Variants in DTWD2 observed in about 807,000 individuals in gnomAD.
The protein encoded by DTWD2 is DTW motif tRNA-uridine aminocarboxypropyltransferase 2.
DTWD2 carries 39 observed loss-of-function variants against 31.8 expected under a neutral mutation model. The ratio of observed to expected loss-of-function variants is 1.22; its 90% CI spans 0.95 to 1.60. The LOEUF is 1.60. Among genes scored for constraint, DTWD2 ranks in the 40% most tolerant of loss-of-function variants. The pLI is 0.00. For missense variants in DTWD2, 515 were observed against 381.5 expected (o/e 1.35, Z -2.92); for synonymous variants, 180 against 142.8 (o/e 1.26, Z -1.86).
intron 4 of DTWD2, among the ~76,000 whole-genome samples, chr5:118,905,889 A>G (rs1477476643): frequency 2.0e-5 from 3 of 152,202 alleles, no homozygotes; most frequent in African/African-American, 4.8e-5. Context: ...ATCAAAATTA[A>G]GAAATTCTGC....
At position 118,836,661 on chromosome 5, in the gene DTWD2, T is replaced by C. The variant is rs1751576346; in HGVS notation, c.*4256A>G. Among the ~76,000 whole-genome samples, 1 of 152,202 alleles carries C rather than the reference T, an allele frequency of 6.6e-6. No homozygotes were observed. Among genetic ancestry groups the C allele is most frequent in the African/African-American group, 2.4e-5 (1 of 41,452 alleles). On this transcript the variant is annotated 3_prime_UTR_variant, in exon 6 of 6. Transcript: ENST00000510708. ...CCACAAAACTCACAGGTTGAAACCT[T>C]AATTCCCGAGGTATAGTATTAGGAA...
At chr5:118,886,451 T>C (rs575293396) in intron 4 of DTWD2, among the ~76,000 whole-genome samples, 1 of 152,130 alleles carries the variant, frequency 6.6e-6, no homozygotes, top group Non-Finnish European at 1.5e-5. Context: ...TATAATAGCA[T>C]AACAAGGAAA....
At chr5:118,974,216 C>T in intron 1 of DTWD2, 1 of 1,244,078 alleles carries the variant, frequency 8.0e-7, no homozygotes, top group Non-Finnish European at 1.1e-6. Context: ...ACGTGGTCAC[C>T]TTCGAGTAGA....
chr5:118,856,082 G>C (rs1344660670), intron 4 of DTWD2, among the ~76,000 whole-genome samples: 2 of 152,094 alleles, frequency 1.3e-5, no homozygotes, highest in Non-Finnish European at 2.9e-5. Flanking sequence ...AGAGAATCAA[G>C]ATCCATCCAA....
intron 3 of DTWD2, among the ~76,000 whole-genome samples, chr5:118,930,144 T>C (rs1349355803): frequency 1.3e-5 from 2 of 152,214 alleles, no homozygotes; most frequent in Non-Finnish European, 2.9e-5. Flanking sequence ...CTTTAATTTG[T>C]CTTTTGTCAG....
intron 1 of DTWD2, among the ~76,000 whole-genome samples, chr5:118,966,941 G>C (rs1162650059): frequency 2.7e-5 from 4 of 150,862 alleles, no homozygotes; most frequent in African/African-American, 4.9e-5. Flanking sequence ...TAAAGCAGGA[G>C]AATCTCTTGA....
chr5:118,968,114 C>T (rs1210603760), intron 1 of DTWD2, among the ~76,000 whole-genome samples: 1 of 150,936 alleles, frequency 6.6e-6, no homozygotes, highest in African/African-American at 2.4e-5. Flanking sequence ...TTGCTGTAAT[C>T]ATGAGAAATC....
At position 118,848,232 on chromosome 5, in the gene DTWD2, C is replaced by T. The variant is rs1462490069; in HGVS notation, c.598-14G>A. Reference sequence around the variant, plus strand: ...TTTTAATTGCACCTGAAATCAAAAACAAAATAGAACATAATTTTTGTTTTA... The same window carrying T: ...TTTTAATTGCACCTGAAATCAAAAATAAAATAGAACATAATTTTTGTTTTA... On this transcript the variant is annotated splice_polypyrimidine_tract_variant and intron_variant, in intron 4 of 5. Coordinates refer to ENST00000510708, the MANE Select transcript of DTWD2 (RefSeq NM_173666.4). 1 of 1,563,338 alleles carries T rather than the reference C, an allele frequency of 6.4e-7. No individual in the cohort carries two copies. The highest frequency in any genetic ancestry group is 2.1e-5 in the Admixed American group (1 of 47,256).
intron 4 of DTWD2, among the ~76,000 whole-genome samples, chr5:118,924,523 A>G (rs1753770454): frequency 6.6e-6 from 1 of 152,244 alleles, no homozygotes; most frequent in Non-Finnish European, 1.5e-5. Context: ...AGGAAAGCCT[A>G]TTATGTAATT....
chr5:118,983,637 A>G (rs934041057), intron 1 of DTWD2, among the ~76,000 whole-genome samples: 4 of 152,196 alleles, frequency 2.6e-5, no homozygotes, highest in Non-Finnish European at 5.9e-5. Flanking sequence ...ACCAAAACTC[A>G]GCATCCTGTT....
intron 1 of DTWD2, among the ~76,000 whole-genome samples, chr5:118,961,862 A>C (rs570810172): frequency 4.6e-5 from 7 of 152,244 alleles, no homozygotes; most frequent in Admixed American, 6.5e-5. Context: ...AAAGTAAAGA[A>C]AATATATTGA....
chr5:118,866,429 T>C (rs915234139), intron 4 of DTWD2, among the ~76,000 whole-genome samples: 1 of 152,134 alleles, frequency 6.6e-6, no homozygotes, highest in African/African-American at 2.4e-5. Flanking sequence ...ATAACACTGA[T>C]GCAAAAATTC....
intron 4 of DTWD2, among the ~76,000 whole-genome samples, chr5:118,849,440 A>C (rs1042552961): frequency 1.3e-5 from 2 of 152,200 alleles, no homozygotes; most frequent in Non-Finnish European, 2.9e-5. Flanking sequence ...ACTGTAAACT[A>C]GTTCAATCAC....
At chr5:118,958,517 A>G (rs1440966743) in intron 1 of DTWD2, among the ~76,000 whole-genome samples, 2 of 152,008 alleles carry the variant, frequency 1.3e-5, no homozygotes, top group Non-Finnish European at 2.9e-5. Flanking sequence ...TAATAAAGAA[A>G]AAAAGAAAAT....
intron 1 of DTWD2, among the ~76,000 whole-genome samples, chr5:118,959,019 T>C (rs1754651176): frequency 6.6e-6 from 1 of 152,146 alleles, no homozygotes; most frequent in South Asian, 2.1e-4. Flanking sequence ...ACCAAAAGCA[T>C]TCCCCTTGAG....
intron 4 of DTWD2, among the ~76,000 whole-genome samples, chr5:118,878,017 C>G (rs1279842515): frequency 6.6e-6 from 1 of 152,012 alleles, no homozygotes; most frequent in Non-Finnish European, 1.5e-5. Context: ...AGGAGAACTA[C>G]AAAACACTGC....
At chr5:118,930,875 C>T (rs1036512920) in intron 3 of DTWD2, among the ~76,000 whole-genome samples, 16 of 152,034 alleles carry the variant, frequency 1.1e-4, no homozygotes, top group East Asian at 5.8e-4. Context: ...TTGGAGAGGA[C>T]GGAGGGCATA....
At chr5:118,881,200 G>C (rs564133079) in intron 4 of DTWD2, among the ~76,000 whole-genome samples, 21 of 152,152 alleles carry the variant, frequency 1.4e-4, no homozygotes, top group African/African-American at 4.8e-4. Flanking sequence ...AAAGGTGTAG[G>C]TACCATTTTT....
At chr5:118,972,155 C>A (rs1298825819) in intron 1 of DTWD2, among the ~76,000 whole-genome samples, 1 of 151,862 alleles carries the variant, frequency 6.6e-6, no homozygotes, top group Admixed American at 6.6e-5. Flanking sequence ...GATATGACAA[C>A]CCCTTCAAAA....
Sources: allele counts gnomAD v4.1 joint callset (sites outside exome capture counted in the v4.1 genomes callset), GRCh38; gene constraint gnomAD v4.1.1; transcripts MANE v1.5; gene names NCBI Gene and HGNC (gene_info 2026-07-23, HGNC 2026-07-21).